Variants in KLHL28 observed in about 807,000 individuals in gnomAD.
The protein encoded by KLHL28 is kelch-like protein 28.
A neutral mutation model predicts 48.3 loss-of-function variants in KLHL28; 22 were observed. That is an observed-to-expected ratio of 0.46 (90% confidence interval 0.33 to 0.65). The LOEUF is 0.65. KLHL28 is among the 30% of genes least tolerant of loss of function. The pLI is 0.03. For synonymous variants in KLHL28, 243 were observed against 242.4 expected (o/e 1.00, Z -0.02); for missense variants, 527 against 704.3 (o/e 0.75, Z 2.85).
At chr14:44,943,724 T>C (rs1302635552) in intron 2 of KLHL28, among the ~76,000 whole-genome samples, 3 of 151,504 alleles carry the variant, frequency 2.0e-5, no homozygotes, top group African/African-American at 7.3e-5. Context: ...GGACTTTTTT[T>C]TTTTTTTCAA....
chr14:44,959,836 C>T (rs1226574290), intron 1 of KLHL28, among the ~76,000 whole-genome samples: 1 of 152,076 alleles, frequency 6.6e-6, no homozygotes, highest in African/African-American at 2.4e-5. Context: ...AAATTGATTA[C>T]AAATTTGTAC....
At position 44,927,686 on chromosome 14, in the gene KLHL28, T is replaced by C. The variant is rs1883420090; in HGVS notation, c.*1342A>G. On this transcript the variant is annotated 3_prime_UTR_variant, in exon 5 of 5. Coordinates refer to ENST00000396128, the MANE Select transcript of KLHL28 (RefSeq NM_017658.5). ...TAAAAGATCATTTCTTTAATCAAAG[T>C]AGAACTCAACTTAGAACTATTACTC... 6.5e-6 allele frequency: 1 copy of C among 152,734 alleles called. No individual in the cohort carries two copies. The highest frequency in any genetic ancestry group is 1.9e-4 in the East Asian group (1 of 5,190). 9.5% of individuals were successfully genotyped at this position (152,734 alleles called of 1,614,324 possible).
chr14:44,943,136 TTTG>T (rs1884172882), intron 2 of KLHL28, among the ~76,000 whole-genome samples: 1 of 152,204 alleles, frequency 6.6e-6, no homozygotes, highest in South Asian at 2.1e-4. Context: ...TCTTCAATAA[TTTG>T]TTATTTTTAA....
chr14:44,930,921 C>T lies in KLHL28; in HGVS notation c.1552+412G>A, dbSNP rs961965390. 2.0e-5 allele frequency among the ~76,000 whole-genome samples: 3 copies of T among 152,118 alleles called. No homozygotes were observed. In the South Asian group the frequency reaches 6.2e-4, roughly 32 times the overall value. ...CAACCCTTTTTGATCAACTATACCCCCTGGGGAAGAAAGAACATTTGAAAG... is the reference window on the plus strand; with the variant it reads ...CAACCCTTTTTGATCAACTATACCCTCTGGGGAAGAAAGAACATTTGAAAG... On this transcript the variant is annotated intron_variant, in intron 4 of 4. Transcript: ENST00000396128.
At chr14:44,953,473 A>G (rs1668018298) in intron 1 of KLHL28, 1 of 152,312 alleles carries the variant, frequency 6.6e-6, no homozygotes, top group South Asian at 2.1e-4. Flanking sequence ...TTATGGATTA[A>G]TGAATTAACA....
chr14:44,954,169 C>T (rs768217846), intron 1 of KLHL28, among the ~76,000 whole-genome samples: 7 of 152,148 alleles, frequency 4.6e-5, no homozygotes, highest in Non-Finnish European at 1.0e-4. Flanking sequence ...GGAAATCTCA[C>T]TCATTGCTGT....
At chr14:44,929,482 C>T (rs1465402609) in intron 4 of KLHL28, among the ~76,000 whole-genome samples, 1 of 151,900 alleles carries the variant, frequency 6.6e-6, no homozygotes, top group Non-Finnish European at 1.5e-5. Context: ...TACAATTGTT[C>T]TATTCTATTA....
chr14:44,925,629 C>G lies in KLHL28; in HGVS notation c.*3399G>C, dbSNP rs560930188. 1 of 152,120 alleles carries G rather than the reference C, an allele frequency of 6.6e-6. No individual in the cohort carries two copies. Among genetic ancestry groups the G allele is most frequent in the Non-Finnish European group, 1.5e-5 (1 of 67,966 alleles). 9.4% of individuals were successfully genotyped at this position (152,120 alleles called of 1,614,324 possible). ...AAAGAGTATATCTCTCTAGCTCCCA[C>G]AGCATCTAACAGAATATCTCATACA... is the stretch of plus-strand genomic sequence containing the variant. On this transcript the variant is annotated 3_prime_UTR_variant, in exon 5 of 5. Coordinates refer to ENST00000396128, the MANE Select transcript of KLHL28 (RefSeq NM_017658.5).
chr14:44,946,507 A>G (rs187072394), intron 1 of KLHL28, among the ~76,000 whole-genome samples: 3 of 151,972 alleles, frequency 2.0e-5, no homozygotes, highest in African/African-American at 7.2e-5. Context: ...CATGAGGGCA[A>G]TAAGGCTCAC....
Position 44,945,922 on chromosome 14 carries a change from G to T in KLHL28, c.7C>A (p.His3Asn). 6.2e-7 allele frequency: 1 copy of T among 1,609,662 alleles called. No homozygotes were observed. The highest frequency in any genetic ancestry group is 1.3e-5 in the African/African-American group (1 of 74,920). MD[H>N]TSPTYMLANL... ...GCAAGCATGTAGGTCGGGGATGTGT[G>T]GTCCATCTACAGAAAAATAAAAAAG... Residue 3 changes from histidine (H) to asparagine (N), a missense_variant, in exon 2 of 5, where the codon CAC (histidine) becomes AAC (asparagine). By Grantham distance (68) the His-to-Asn change is moderately conservative. Transcript: ENST00000396128.
Position 44,935,856 on chromosome 14 carries a change from ATGTATG to A in KLHL28, c.900-1304_900-1299del, listed in dbSNP as rs1234744015. On this transcript the variant is annotated intron_variant, in intron 2 of 4. Transcript: ENST00000396128. ...ATATACTATATAATCTTTTGCATGT[ATGTATG>A]TGTATGTGTATGTATATATATATGT... Among the ~76,000 whole-genome samples the A allele has an allele frequency of 5.2e-5, 6 of 114,492 alleles. No homozygotes were observed. The South Asian group carries it at 9.1e-4, about 17-fold the overall frequency. 75.1% of individuals were successfully genotyped at this position (114,492 alleles called of 152,430 possible).
At chr14:44,952,784 A>T (rs1426941047) in intron 1 of KLHL28, among the ~76,000 whole-genome samples, 1 of 152,202 alleles carries the variant, frequency 6.6e-6, no homozygotes, top group African/African-American at 2.4e-5. Context: ...GGCTAAAAAA[A>T]GTAATTCAAA....
chr14:44,954,342 T>C (rs927080398), intron 1 of KLHL28, among the ~76,000 whole-genome samples: 8 of 152,234 alleles, frequency 5.3e-5, no homozygotes, highest in African/African-American at 7.2e-5. Flanking sequence ...CTAATAATAA[T>C]TGCAGATCTA....
intron 2 of KLHL28, among the ~76,000 whole-genome samples, chr14:44,938,061 T>C (rs1335103046): frequency 6.6e-6 from 1 of 152,198 alleles, no homozygotes; most frequent in Non-Finnish European, 1.5e-5. Flanking sequence ...AAAATTCGTG[T>C]CCTTCTCACA....
chr14:44,943,448 A>G (rs1002951021), intron 2 of KLHL28, among the ~76,000 whole-genome samples: 3 of 152,172 alleles, frequency 2.0e-5, no homozygotes, highest in African/African-American at 7.2e-5. Flanking sequence ...ACCTGAGGTC[A>G]GGAGTTTGAG....
At position 44,924,825 on chromosome 14, in the gene KLHL28, T is replaced by C. The variant is rs927792690; in HGVS notation, c.*4203A>G. The C allele has an allele frequency of 6.6e-6, 1 of 152,632 alleles. No individual in the cohort carries two copies. The highest frequency in any genetic ancestry group is 1.5e-5 in the Non-Finnish European group (1 of 68,006). The allele number at this position is 152,632 out of a possible 1,614,324, so 9.5% of individuals were successfully genotyped here. A position where few individuals can be genotyped will look rare whatever the true frequency, so the allele number is the denominator to read the frequency against. The stretch of plus-strand genomic sequence containing the variant: ...AACAATAAGTTATCTCTAGTAAAGA[T>C]GTATAATATAAAAGACATATGGATA... On this transcript the variant is annotated 3_prime_UTR_variant, in exon 5 of 5. Coordinates refer to ENST00000396128, the MANE Select transcript of KLHL28 (RefSeq NM_017658.5).
intron 1 of KLHL28, among the ~76,000 whole-genome samples, chr14:44,952,190 C>T (rs541009151): frequency 7.2e-5 from 11 of 152,030 alleles, no homozygotes; most frequent in African/African-American, 2.4e-4. Context: ...TAATTTGGCC[C>T]CTTTCCTCTC....
At position 44,945,604 on chromosome 14, in the gene KLHL28, G is replaced by A. The variant is rs752764778; in HGVS notation, c.325C>T (p.Leu109=). 6.2e-6 allele frequency: 10 copies of A among 1,614,166 alleles called. No homozygotes were observed. In the Admixed American group the frequency reaches 1.3e-4, roughly 22 times the overall value. Residue 109 remains leucine (L), a synonymous_variant, in exon 2 of 5, where the codon CTG becomes TTG. Coordinates refer to ENST00000396128, the MANE Select transcript of KLHL28 (RefSeq NM_017658.5). ...ATCTGGAGTAGGTTTGCTGCTGGCAGGAGAGATTCAACTGTGTCCTGAGAA... is the reference window on the plus strand; with the variant it reads ...ATCTGGAGTAGGTTTGCTGCTGGCAAGAGAGATTCAACTGTGTCCTGAGAA... ...FISQDTVESL[L]PAANLLQIKL... is the part of the protein sequence containing the mutation.
At chr14:44,933,737 G>C (rs571994403) in intron 3 of KLHL28, among the ~76,000 whole-genome samples, 1 of 152,074 alleles carries the variant, frequency 6.6e-6, no homozygotes, top group African/African-American at 2.4e-5. Context: ...ATATTGTATA[G>C]ACACACAGGA....
Sources: allele counts gnomAD v4.1 joint callset (sites outside exome capture counted in the v4.1 genomes callset), GRCh38; gene constraint gnomAD v4.1.1; transcripts MANE v1.5; gene names NCBI Gene and HGNC (gene_info 2026-07-23, HGNC 2026-07-21).